CCDC92: variants seen among roughly 807,000 people sequenced by gnomAD.
CCDC92 encodes coiled-coil domain containing 92.
Under a neutral mutation model 24.9 loss-of-function variants are expected in CCDC92, and 12 were observed. The ratio of observed to expected loss-of-function variants is 0.48; its 90% CI spans 0.31 to 0.78. The LOEUF (loss-of-function observed/expected upper bound fraction) is 0.78, where lower values mean the gene tolerates loss of function less well. Among genes scored for constraint, CCDC92 ranks in the 30% least tolerant of loss-of-function variants. CCDC92 has a pLI of 0.05. For synonymous variants in CCDC92, 193 were observed against 196.3 expected, an observed-to-expected ratio of 0.98 and a Z score of 0.14; for missense variants, 399 against 439.4, an observed-to-expected ratio of 0.91 and a Z score of 0.82.
At chr12:123,953,407 T>C (rs1211200406) in intron 1 of CCDC92, among the ~76,000 whole-genome samples, 1 of 152,222 alleles carries the variant, frequency 6.6e-6, no homozygotes, top group Non-Finnish European at 1.5e-5. Flanking sequence ...AGGTTAAGTT[T>C]GTAAACAGTA....
At chr12:123,961,229 T>TG (rs1220269249) in intron 1 of CCDC92, 1 of 152,240 alleles carries the variant, frequency 6.6e-6, no homozygotes, top group Non-Finnish European at 1.5e-5. Context: ...GCATAAATCC[T>TG]GGAAGACAGG....
At chr12:123,970,571 C>T (rs981822713) in intron 1 of CCDC92, among the ~76,000 whole-genome samples, 6 of 152,236 alleles carry the variant, frequency 3.9e-5, no homozygotes, top group Non-Finnish European at 8.8e-5. Flanking sequence ...ATTAAGTTAG[C>T]ACCTACCTAG....
At chr12:123,947,624 C>G (rs975023122) in intron 1 of CCDC92, among the ~76,000 whole-genome samples, 1 of 152,042 alleles carries the variant, frequency 6.6e-6, no homozygotes, top group South Asian at 2.1e-4. Context: ...TGTGGATACT[C>G]TGTATCTAAC....
intron 4 of CCDC92, among the ~76,000 whole-genome samples, chr12:123,940,885 A>C (rs568311634): frequency 7.2e-5 from 11 of 152,174 alleles, no homozygotes; most frequent in Non-Finnish European, 1.5e-4. Context: ...GCACTAATGT[A>C]AAACAATGAT....
At chr12:123,967,772 A>G (rs1216705351) in intron 1 of CCDC92, among the ~76,000 whole-genome samples, 1 of 152,238 alleles carries the variant, frequency 6.6e-6, no homozygotes, top group East Asian at 1.9e-4. Flanking sequence ...CAGTATTGTA[A>G]TAATATTGAG....
At chr12:123,942,497 T>C (rs1389801164) in intron 4 of CCDC92, among the ~76,000 whole-genome samples, 1 of 152,240 alleles carries the variant, frequency 6.6e-6, no homozygotes, top group Non-Finnish European at 1.5e-5. Flanking sequence ...AAACATATAA[T>C]AGGCATTCCA....
intron 1 of CCDC92, among the ~76,000 whole-genome samples, chr12:123,954,295 A>C (rs549050533): frequency 6.6e-6 from 1 of 152,352 alleles, no homozygotes; most frequent in South Asian, 2.1e-4. Context: ...ATGAGAACTT[A>C]GGTGCCTCCC....
chr12:123,964,597 T>C (rs975894333), intron 1 of CCDC92, among the ~76,000 whole-genome samples: 3 of 152,182 alleles, frequency 2.0e-5, no homozygotes, highest in Non-Finnish European at 4.4e-5. Flanking sequence ...AAAAGTAGAA[T>C]TTTTTCACAA....
At chr12:123,940,646 T>C (rs192741042) in intron 4 of CCDC92, among the ~76,000 whole-genome samples, 15 of 152,288 alleles carry the variant, frequency 9.8e-5, no homozygotes, top group Non-Finnish European at 8.8e-5. Context: ...AATTTCAGTC[T>C]TCCCATGAAA....
At position 123,942,766 on chromosome 12, in the gene CCDC92, T is replaced by G; in HGVS notation, c.201A>C (p.Thr67=). Residue 67 remains threonine, a synonymous_variant, in exon 4 of 5, where the codon ACA becomes ACC. Coordinates refer to ENST00000238156, the MANE Select transcript of CCDC92 (RefSeq NM_025140.3). ...QHCTDLTYEL[T]VKSSEQTGDG... ...TACCTGTCTGTTCCGAACTTTTGAC[T>G]GTCAGCTCATATGTTAAATCTAAAA... The G allele has an allele frequency of 6.2e-7, 1 of 1,608,400 alleles. No homozygotes were observed. The highest frequency in any genetic ancestry group is 1.1e-5 in the South Asian group (1 of 90,998).
At chr12:123,957,302 T>C (rs1463356941) in intron 1 of CCDC92, among the ~76,000 whole-genome samples, 2 of 152,248 alleles carry the variant, frequency 1.3e-5, no homozygotes, top group Non-Finnish European at 1.5e-5. Context: ...GTCAGGAGCC[T>C]GGAGAGTTTG....
At position 123,972,604 on chromosome 12, in the gene CCDC92, GC is replaced by G. The variant is rs959755324; in HGVS notation, c.-136del. The G allele has an allele frequency of 7.3e-5, 11 of 150,066 alleles. No homozygotes were observed. Among genetic ancestry groups the G allele is most frequent in the Admixed American group, 7.3e-4 (11 of 15,074 alleles). The allele number at this position is 150,066 out of a possible 1,614,324, so 9.3% of individuals were successfully genotyped here. On this transcript the variant is annotated 5_prime_UTR_variant, in exon 1 of 5. It removes the in-frame stop codon of an upstream open reading frame in the 5' UTR. Coordinates refer to ENST00000238156, the MANE Select transcript of CCDC92 (RefSeq NM_025140.3). The stretch of plus-strand genomic sequence containing the variant: ...GTCCTCCCGGCGGGCGGCGGTGGGG[GC>G]CCGTGGCCCATGGGCTGGGCGGGGC...
At chr12:123,957,482 G>T (rs1956173801) in intron 1 of CCDC92, among the ~76,000 whole-genome samples, 1 of 152,142 alleles carries the variant, frequency 6.6e-6, no homozygotes, top group South Asian at 2.1e-4. Flanking sequence ...TCAAGGGTGT[G>T]ATCACTGCAC....
Position 123,944,353 on chromosome 12 carries a change from C to T in CCDC92, c.-48G>A, listed in dbSNP as rs1275653368. 1 of 1,482,858 alleles carries T rather than the reference C, an allele frequency of 6.7e-7. No individual in the cohort carries two copies. The highest frequency in any genetic ancestry group is 1.5e-5 in the African/African-American group (1 of 68,228). The allele number at this position is 1,482,858 out of a possible 1,614,324, so 91.9% of individuals were successfully genotyped here. A position where few individuals can be genotyped will look rare whatever the true frequency, so the allele number is the denominator to read the frequency against. The stretch of plus-strand genomic sequence containing the variant: ...AGAGTAATTCAAGACGCTTGTACAG[C>T]ACTGAAAAATACTGAGGATGAAATG... On this transcript the variant is annotated 5_prime_UTR_variant, in exon 2 of 5. Transcript: ENST00000238156.
At chr12:123,969,858 T>A (rs545297292) in intron 1 of CCDC92, 5 of 152,184 alleles carry the variant, frequency 3.3e-5, no homozygotes, top group African/African-American at 1.2e-4. Flanking sequence ...AAAACAGCTT[T>A]AAAAAAAGTC....
intron 4 of CCDC92, among the ~76,000 whole-genome samples, chr12:123,941,189 G>A (rs1955673073): frequency 6.6e-6 from 1 of 152,212 alleles, no homozygotes; most frequent in Non-Finnish European, 1.5e-5. Flanking sequence ...TTCAGTGCTG[G>A]CAGGTGTGGA....
chr12:123,940,056 T>C (rs1463243126), intron 4 of CCDC92, among the ~76,000 whole-genome samples: 6 of 152,234 alleles, frequency 3.9e-5, no homozygotes, highest in African/African-American at 9.6e-5. Flanking sequence ...GGGATTTTTC[T>C]TCCCCCAGGC....
At chr12:123,960,892 G>C (rs943837963) in intron 1 of CCDC92, 1 of 150,732 alleles carries the variant, frequency 6.6e-6, no homozygotes. Context: ...CATTGATTTT[G>C]TTTTTTAATT....
At chr12:123,938,373 T>C (rs1235432066) in intron 4 of CCDC92, among the ~76,000 whole-genome samples, 1 of 152,058 alleles carries the variant, frequency 6.6e-6, no homozygotes, top group Non-Finnish European at 1.5e-5. Flanking sequence ...ACAGACTCTT[T>C]CCCACTTCCT....
Sources: gnomAD v4.1 joint callset for allele counts (sites outside exome capture counted in the v4.1 genomes callset) on GRCh38, gnomAD v4.1.1 for gene constraint, MANE v1.5 for transcripts, NCBI Gene and HGNC (gene_info 2026-07-23, HGNC 2026-07-21) for gene names.